The following SIPA1L3 variants were observed in gnomAD, a reference collection of about 807,000 sequenced individuals.
The protein encoded by SIPA1L3 is signal-induced proliferation-associated 1-like protein 3.
In SIPA1L3, 59 loss-of-function variants were observed where a neutral mutation model predicts 150.1. That is an observed-to-expected ratio of 0.39 (90% CI 0.32 to 0.49). The LOEUF (loss-of-function observed/expected upper bound fraction) is 0.49. SIPA1L3 is among the 20% of genes least tolerant of loss of function. The pLI, the probability that SIPA1L3 is intolerant of heterozygous loss-of-function variation, is 0.86. For synonymous variants in SIPA1L3, 1,070 were observed against 1,077.6 expected (o/e 0.99, Z 0.14); for missense variants, 2,211 against 2,489.5 (o/e 0.89, Z 2.38).
At position 38,030,623 on chromosome 19, in the gene SIPA1L3, A is replaced by AATACATAT. The variant is rs1250170240; in HGVS notation, c.-311+1470_-311+1471insCATATATA. 8.0e-3 allele frequency among the ~76,000 whole-genome samples: 339 copies of AATACATAT among 42,626 alleles called. 24 individuals carry two copies. The highest frequency in any genetic ancestry group is 0.015 in the African/African-American group (258 of 16,910). The allele number at this position is 42,626 out of a possible 152,430, so 28.0% of individuals were successfully genotyped here. On this transcript the variant is annotated intron_variant, in intron 2 of 21. Transcript: ENST00000222345. Reference sequence around the variant, plus strand: ...ATATTTTATATATATATATGTGGCAAATATATATATATATATATATATATA... The same window carrying AATACATAT: ...ATATTTTATATATATATATGTGGCAAATACATATATATATATATATATATATATATATA...
intron 15 of SIPA1L3, 24 bp from the exon 16 acceptor site, chr19:38,182,495 A>C (rs757302548): frequency 1.3e-5 from 20 of 1,536,484 alleles, no homozygotes; most frequent in Middle Eastern, 1.7e-4. Context: ...GGTTTTTTTT[A>C]TCTCTTTCAT....
At chr19:38,088,489 C>T (rs922523989) in intron 3 of SIPA1L3, among the ~76,000 whole-genome samples, 2 of 152,214 alleles carry the variant, frequency 1.3e-5, no homozygotes, top group Non-Finnish European at 2.9e-5. Flanking sequence ...CAGATGAGAG[C>T]GCTGAGGCTC....
At chr19:37,963,625 C>T (rs942447568) in intron 1 of SIPA1L3, among the ~76,000 whole-genome samples, 3 of 152,166 alleles carry the variant, frequency 2.0e-5, no homozygotes, top group East Asian at 1.9e-4. Context: ...TGAAGTTCAG[C>T]GTTTATTTAT....
chr19:38,052,438 T>C (rs1654343), intron 2 of SIPA1L3, among the ~76,000 whole-genome samples: 36,204 of 151,966 alleles, frequency 0.24, 5,626 homozygotes, highest in African/African-American at 0.44. Flanking sequence ...CTCCTCCGCG[T>C]GAGATGCTGT....
chr19:37,943,187 T>C (rs1157989533), intron 1 of SIPA1L3, among the ~76,000 whole-genome samples: 1 of 152,012 alleles, frequency 6.6e-6, no homozygotes, highest in Non-Finnish European at 1.5e-5. Flanking sequence ...GAGCTGAGGT[T>C]TTCTACTACA....
At chr19:38,025,710 GC>G (rs1424541084) in intron 1 of SIPA1L3, among the ~76,000 whole-genome samples, 1 of 152,038 alleles carries the variant, frequency 6.6e-6, no homozygotes, top group African/African-American at 2.4e-5. Flanking sequence ...GAGCTTTATT[GC>G]AGGGGTTTTC....
At chr19:38,020,087 CGT>C (rs1000522720) in intron 1 of SIPA1L3, among the ~76,000 whole-genome samples, 1 of 139,250 alleles carries the variant, frequency 7.2e-6, no homozygotes, top group Non-Finnish European at 1.6e-5. Context: ...AGTGAGACCC[CGT>C]CTCTCTCTCT....
rs766658720 is a variant in SIPA1L3 at position 38,130,711 on chromosome 19, C to T, written c.3082C>T (p.Arg1028Cys). ...CCACGACCAGATGATCGACCTGCTG[C>T]GCACCTCTGTCACTGTGAAGGTGGT... ...LTHDQMIDLL[R>C]TSVTVKVVII... Residue 1028 changes from arginine to cysteine, a missense_variant, in exon 10 of 22, where the codon CGC becomes TGC. By Grantham distance (180) the Arg-to-Cys change is radical (BLOSUM62 -3). This residue lies in a region of SIPA1L3 where 625 missense variants were observed against 804.2 expected (regional missense o/e 0.78). Transcript: ENST00000222345. The T allele has an allele frequency of 4.3e-6, 7 of 1,614,018 alleles. No homozygotes were observed. The highest frequency in any genetic ancestry group is 2.2e-5 in the South Asian group (2 of 91,078).
intron 20 of SIPA1L3, among the ~76,000 whole-genome samples, chr19:38,202,496 G>A (rs1973110844): frequency 6.6e-6 from 1 of 152,102 alleles, no homozygotes; most frequent in Non-Finnish European, 1.5e-5. Context: ...GCTGTGGCAG[G>A]AGAATTGCTT....
At position 38,130,720 on chromosome 19, in the gene SIPA1L3, G is replaced by A. The variant is rs1199776460; in HGVS notation, c.3091G>A (p.Val1031Ile). The A allele has an allele frequency of 6.2e-7, 1 of 1,613,918 alleles. No homozygotes were observed. Among genetic ancestry groups the A allele is most frequent in the Admixed American group, 1.7e-5 (1 of 60,024 alleles). Residue 1031 changes from valine to isoleucine, a missense_variant, in exon 10 of 22, where the codon GTC becomes ATC. This residue lies in a region of SIPA1L3 where 625 missense variants were observed against 804.2 expected (regional missense o/e 0.78). Transcript: ENST00000222345. ...GATGATCGACCTGCTGCGCACCTCT[G>A]TCACTGTGAAGGTGGTCATCATCCC... ...DQMIDLLRTS[V>I]TVKVVIIPPF...
chr19:38,129,282 T>C (rs1971253749), intron 9 of SIPA1L3, among the ~76,000 whole-genome samples: 1 of 151,886 alleles, frequency 6.6e-6, no homozygotes, highest in Non-Finnish European at 1.5e-5. Flanking sequence ...CAGCTCCATG[T>C]TGGGGGAAGG....
Position 38,082,877 on chromosome 19 carries a change from T to C in SIPA1L3, c.1312T>C (p.Cys438Arg). 1 of 1,613,258 alleles carries C rather than the reference T, an allele frequency of 6.2e-7. No individual in the cohort carries two copies. Among genetic ancestry groups the C allele is most frequent in the Non-Finnish European group, 8.5e-7 (1 of 1,179,848 alleles). ...PHFRNEIGGE[C>R]ERNVSFSRAS... The stretch of plus-strand genomic sequence containing the variant: ...CTTCCGCAATGAGATCGGGGGCGAG[T>C]GTGAGCGCAACGTGAGCTTCTCCCG... The change falls in exon 3 of 22, where the codon TGT becomes CGT. Residue 438 changes from cysteine (C) to arginine (R), a missense_variant. Cys to Arg is a radical substitution (Grantham distance 180, BLOSUM62 -3). Transcript: ENST00000222345.
chr19:38,197,001 C>T (rs954207478), intron 18 of SIPA1L3, among the ~76,000 whole-genome samples: 2 of 152,288 alleles, frequency 1.3e-5, no homozygotes, highest in African/African-American at 2.4e-5. Flanking sequence ...GTGGAAAGCA[C>T]GTAGTGTATA....
chr19:38,117,489 G>C (rs2145890813), intron 8 of SIPA1L3, among the ~76,000 whole-genome samples: 1 of 152,134 alleles, frequency 6.6e-6, no homozygotes, highest in South Asian at 2.1e-4. Context: ...CGTTGTAGCA[G>C]GTGCCTGTAA....
intron 1 of SIPA1L3, among the ~76,000 whole-genome samples, chr19:37,997,916 A>G (rs1293090589): frequency 1.3e-5 from 2 of 151,836 alleles, no homozygotes; most frequent in Admixed American, 6.6e-5. Context: ...TGCTCTTTGG[A>G]ACCTAGAGCA....
At chr19:38,200,179 TCTC>T (rs1973053241) in intron 19 of SIPA1L3, 1 of 152,190 alleles carries the variant, frequency 6.6e-6, no homozygotes, top group Non-Finnish European at 1.5e-5. Flanking sequence ...TTCAAGCAAT[TCTC>T]CTGCCTCAGC....
chr19:37,987,063 G>A (rs1459162755), intron 1 of SIPA1L3, among the ~76,000 whole-genome samples: 1 of 152,078 alleles, frequency 6.6e-6, no homozygotes, highest in Admixed American at 6.6e-5. Context: ...GAGTAGCTGG[G>A]ATTACAGACT....
chr19:38,133,838 C>T (rs1159359194), intron 10 of SIPA1L3, among the ~76,000 whole-genome samples: 2 of 152,166 alleles, frequency 1.3e-5, no homozygotes, highest in African/African-American at 4.8e-5. Flanking sequence ...ACTTGTAAAG[C>T]ACGTAGGACA....
intron 1 of SIPA1L3, among the ~76,000 whole-genome samples, chr19:37,965,517 T>C (rs2046896367): frequency 6.6e-6 from 1 of 152,086 alleles, no homozygotes; most frequent in Admixed American, 6.6e-5. Flanking sequence ...GGTTTCACCA[T>C]GTTGGCCAGG....
Sources: allele counts gnomAD v4.1 joint callset (sites outside exome capture counted in the v4.1 genomes callset), GRCh38; gene constraint gnomAD v4.1.1; regional missense constraint gnomAD v4.1.1; transcripts MANE v1.5; gene names NCBI Gene and HGNC (gene_info 2026-07-23, HGNC 2026-07-21).